The following GASK1B variants were observed in gnomAD, a reference collection of about 807,000 sequenced individuals.
GASK1B encodes golgi associated kinase 1B.
A neutral mutation model predicts 42.8 loss-of-function variants in GASK1B; 34 were observed. The ratio of observed to expected loss-of-function variants is 0.79; its 90% CI spans 0.60 to 1.06. The LOEUF is 1.06. Ranked by LOEUF, GASK1B falls within the 50% of genes least tolerant of loss-of-function variation. The pLI is 0.00. For missense variants in GASK1B, 686 were observed against 661.0 expected, an observed-to-expected ratio of 1.04 and a Z score of -0.42; for synonymous variants, 262 against 259.1, an observed-to-expected ratio of 1.01 and a Z score of -0.11.
chr4:158,153,831 C>T (rs1731652843), intron 3 of GASK1B, among the ~76,000 whole-genome samples: 1 of 152,146 alleles, frequency 6.6e-6, no homozygotes, highest in African/African-American at 2.4e-5. Context: ...GTATCCTCAT[C>T]TCTTACCTTA....
chr4:158,150,147 G>T (rs865793072), intron 3 of GASK1B, among the ~76,000 whole-genome samples: 1 of 151,718 alleles, frequency 6.6e-6, no homozygotes, highest in African/African-American at 2.4e-5. Context: ...GGATGGTCTC[G>T]ATCTCCTGAC....
rs1732623518 is a variant in GASK1B, at chr4:158,172,988, TAA to T, written c.-347_-346del. 6.6e-6 allele frequency: 1 copy of T among 152,108 alleles called. No individual in the cohort carries two copies. Among genetic ancestry groups the T allele is most frequent in the Non-Finnish European group, 1.5e-5 (1 of 68,024 alleles). The allele number at this position is 152,108 out of a possible 1,614,324, so 9.4% of individuals were successfully genotyped here. On this transcript the variant is annotated 5_prime_UTR_variant, in exon 1 of 5. It introduces an in-frame stop codon into an upstream open reading frame of the 5' UTR. Coordinates refer to ENST00000585682, the MANE Select transcript of GASK1B (RefSeq NM_001128424.2). The stretch of plus-strand genomic sequence containing the variant: ...GAGGAGAAAAAATAGAACAGTGAGA[TAA>T]GAGTACACACAGATAAGGAAAGACA...
intron 3 of GASK1B, among the ~76,000 whole-genome samples, chr4:158,142,007 C>T (rs1008677116): frequency 7.7e-6 from 1 of 129,730 alleles, no homozygotes; most frequent in Non-Finnish European, 1.7e-5. Flanking sequence ...TGCAGTGGCG[C>T]AATCTCGGCT....
At chr4:158,158,512 TAG>T (rs769707865) in intron 2 of GASK1B, among the ~76,000 whole-genome samples, 4 of 152,104 alleles carry the variant, frequency 2.6e-5, no homozygotes, top group African/African-American at 7.2e-5. Flanking sequence ...ATCTTGTATG[TAG>T]AGTTTGTCAT....
intron 2 of GASK1B, among the ~76,000 whole-genome samples, chr4:158,162,134 C>T (rs1579044867): frequency 6.6e-6 from 1 of 152,194 alleles, no homozygotes; most frequent in East Asian, 1.9e-4. Context: ...CTTTTAAGAA[C>T]CAGTTCTGGC....
At chr4:158,134,245 T>C (rs1361329869) in intron 3 of GASK1B, among the ~76,000 whole-genome samples, 1 of 152,232 alleles carries the variant, frequency 6.6e-6, no homozygotes. Context: ...ATGCTTACTT[T>C]TAAGACAGCT....
chr4:158,143,911 G>C (rs1731230837), intron 3 of GASK1B, among the ~76,000 whole-genome samples: 1 of 151,966 alleles, frequency 6.6e-6, no homozygotes, highest in African/African-American at 2.4e-5. Flanking sequence ...ATTAAACTTA[G>C]CATAATAAAA....
intron 2 of GASK1B, among the ~76,000 whole-genome samples, chr4:158,164,859 A>G (rs1732164785): frequency 1.3e-5 from 2 of 152,232 alleles, no homozygotes; most frequent in Admixed American, 1.3e-4. Flanking sequence ...TGCTGCTCAC[A>G]TAGGCTTGAA....
chr4:158,155,553 G>T, intron 3 of GASK1B, 58 bp downstream of exon 3: 2 of 1,402,020 alleles, frequency 1.4e-6, no homozygotes, highest in Non-Finnish European at 2.0e-6. Context: ...CTTAGTGTCA[G>T]GCTAATATAA....
chr4:158,147,638 T>TA (rs1318468843), intron 3 of GASK1B, among the ~76,000 whole-genome samples: 11 of 149,662 alleles, frequency 7.3e-5, no homozygotes, highest in South Asian at 4.2e-4. Flanking sequence ...AAATTTAAAT[T>TA]AAAAAAAAAC....
chr4:158,171,770 G>C (rs1392173945), intron 1 of GASK1B, among the ~76,000 whole-genome samples, 171 bp from the exon 2 acceptor site: 1 of 152,108 alleles, frequency 6.6e-6, no homozygotes. Context: ...AGATTTGATA[G>C]TCACTTGAAA....
chr4:158,170,101 T>G, intron 2 of GASK1B: 3 of 779,916 alleles, frequency 3.8e-6, no homozygotes, highest in Non-Finnish European at 6.1e-6. Context: ...TTTAATAGTA[T>G]GCCTGACTGT....
intron 3 of GASK1B, among the ~76,000 whole-genome samples, chr4:158,136,436 T>G (rs1419653604): frequency 6.6e-6 from 1 of 152,044 alleles, no homozygotes; most frequent in African/African-American, 2.4e-5. Flanking sequence ...CATGCAGAGC[T>G]GGAAGAAAGG....
At chr4:158,170,209 G>A in intron 2 of GASK1B, 2 of 1,603,342 alleles carry the variant, frequency 1.2e-6, no homozygotes, top group Non-Finnish European at 8.5e-7. Context: ...AGTGAAGCGA[G>A]GGAAATGGAG....
intron 3 of GASK1B, among the ~76,000 whole-genome samples, chr4:158,135,797 C>T (rs1375245813): frequency 2.6e-5 from 4 of 151,960 alleles, no homozygotes; most frequent in East Asian, 3.9e-4. Context: ...CGTAGGATTT[C>T]AGAGAAAAGC....
intron 3 of GASK1B, among the ~76,000 whole-genome samples, chr4:158,132,335 A>G (rs1730715027): frequency 6.6e-6 from 1 of 152,194 alleles, no homozygotes. Flanking sequence ...CTAGGAGACC[A>G]GCTGCTTAGA....
intron 4 of GASK1B, among the ~76,000 whole-genome samples, chr4:158,130,158 T>C (rs537543568): frequency 1.3e-5 from 2 of 152,240 alleles, no homozygotes; most frequent in South Asian, 4.1e-4. Flanking sequence ...AAATAATTCT[T>C]CCCTAACTAG....
intron 2 of GASK1B, among the ~76,000 whole-genome samples, chr4:158,156,667 A>T (rs975350222): frequency 6.6e-6 from 1 of 152,198 alleles, no homozygotes; most frequent in Non-Finnish European, 1.5e-5. Context: ...TTAAGCTTAA[A>T]ACCAATAACA....
intron 2 of GASK1B, chr4:158,169,957 A>C (rs1194157440): frequency 1.2e-5 from 5 of 433,254 alleles, no homozygotes; most frequent in Non-Finnish European, 2.0e-5. Flanking sequence ...GGTTAAATCC[A>C]TTGAAAAAAA....
Sources: gnomAD v4.1 joint callset for allele counts (sites outside exome capture counted in the v4.1 genomes callset) on GRCh38, gnomAD v4.1.1 for gene constraint, MANE v1.5 for transcripts, NCBI Gene and HGNC (gene_info 2026-07-23, HGNC 2026-07-21) for gene names.